Variants in ABCA4 observed in about 807,000 individuals in gnomAD.
The protein encoded by ABCA4 is retinal-specific phospholipid-transporting ATPase ABCA4.
A neutral mutation model predicts 263.7 loss-of-function variants in ABCA4; 196 were observed. The observed-to-expected ratio is 0.74, with a 90% CI of 0.66 to 0.84. The LOEUF (loss-of-function observed/expected upper bound fraction) is 0.84. Ranked by LOEUF, ABCA4 falls within the 40% of genes least tolerant of loss-of-function variation. The pLI, the probability that ABCA4 is intolerant of heterozygous loss-of-function variation, is 0.00. For missense variants in ABCA4, 2,792 were observed against 2,855.1 expected, an observed-to-expected ratio of 0.98 and a Z score of 0.50; for synonymous variants, 1,133 against 1,094.2, an observed-to-expected ratio of 1.04 and a Z score of -0.70.
intron 43 of ABCA4, among the ~76,000 whole-genome samples, chr1:94,006,044 G>A (rs868431776): frequency 5.3e-5 from 8 of 152,204 alleles, no homozygotes; most frequent in African/African-American, 1.7e-4. Flanking sequence ...TACCCACAGC[G>A]AGAGGCCTGC....
chr1:94,093,332 G>C (rs532381783), intron 6 of ABCA4, among the ~76,000 whole-genome samples: 1 of 152,298 alleles, frequency 6.6e-6, no homozygotes, highest in African/African-American at 2.4e-5. Flanking sequence ...TGTGAACTTA[G>C]TTTTCTTTAG....
intron 20 of ABCA4, 84 bp from the exon 21 acceptor site, chr1:94,043,559 G>T (rs1373016909): frequency 2.6e-6 from 4 of 1,563,276 alleles, no homozygotes; most frequent in African/African-American, 1.4e-5. Context: ...TTGAGGACAA[G>T]TATTCTTGAT....
chr1:94,028,074 A>G (rs776419076), intron 30 of ABCA4, among the ~76,000 whole-genome samples: 16 of 152,362 alleles, frequency 1.1e-4, no homozygotes, highest in Non-Finnish European at 2.1e-4. Flanking sequence ...TTAAATCCTC[A>G]TAATAATATT....
intron 44 of ABCA4, among the ~76,000 whole-genome samples, chr1:94,003,139 T>C (rs1659238848): frequency 6.6e-6 from 1 of 152,226 alleles, no homozygotes; most frequent in African/African-American, 2.4e-5. Context: ...GTAAACTTAA[T>C]GTTATGATAC....
At chr1:94,026,086 T>C (rs948202897) in intron 30 of ABCA4, among the ~76,000 whole-genome samples, 1 of 152,226 alleles carries the variant, frequency 6.6e-6, no homozygotes, top group East Asian at 1.9e-4. Context: ...TGGGAACACA[T>C]TCCGCTTACA....
chr1:94,034,125 A>C (rs1660279269), intron 26 of ABCA4, among the ~76,000 whole-genome samples: 1 of 152,066 alleles, frequency 6.6e-6, no homozygotes, highest in South Asian at 2.1e-4. Flanking sequence ...GGCTGCACAA[A>C]TGTTTCTTAT....
At chr1:94,073,227 C>T (rs187350466) in intron 11 of ABCA4, among the ~76,000 whole-genome samples, 174 of 152,336 alleles carry the variant, frequency 1.1e-3, no homozygotes, top group Non-Finnish European at 2.1e-3. Flanking sequence ...TTCCTCCCCG[C>T]TATCTTCTCC....
chr1:94,025,069 C>G (rs372696288), intron 30 of ABCA4, 21 bp from the exon 31 acceptor site: 1 of 1,598,938 alleles, frequency 6.3e-7, no homozygotes, highest in East Asian at 2.2e-5. Flanking sequence ...GAGACACCCA[C>G]GTTAATTACC....
rs1553188588 is a variant in ABCA4 at position 94,021,235 on chromosome 1, C to T, written c.5018+5G>A. ...AGTGGTGAGGCTGGGGCTGTGGTGGCTTACACTGTAATCTCTGAGAGCTGC... is the reference window on the plus strand; with the variant it reads ...AGTGGTGAGGCTGGGGCTGTGGTGGTTTACACTGTAATCTCTGAGAGCTGC... On this transcript the variant is annotated splice_donor_5th_base_variant and intron_variant, in intron 35 of 49. Transcript: ENST00000370225. 1.2e-6 allele frequency: 2 copies of T among 1,613,980 alleles called. No homozygotes were observed. Among genetic ancestry groups the T allele is most frequent in the Non-Finnish European group, 1.7e-6 (2 of 1,180,024 alleles).
intron 1 of ABCA4, among the ~76,000 whole-genome samples, chr1:94,119,567 C>A (rs1207582609): frequency 6.6e-6 from 1 of 152,166 alleles, no homozygotes; most frequent in East Asian, 1.9e-4. Context: ...GCAGCAGCCT[C>A]CATGCACGCC....
At position 94,120,984 on chromosome 1, in the gene ABCA4, T is replaced by G. The variant is rs746232022; in HGVS notation, c.62A>C (p.Gln21Pro). ...ACCACAGACAGTAACTGTTACCTTTTGCCTTTTCCGCAGGGTCCAGTTCTT... is the reference window on the plus strand; with the variant it reads ...ACCACAGACAGTAACTGTTACCTTTGGCCTTTTCCGCAGGGTCCAGTTCTT... ...LWKNWTLRKR[Q>P]KIRFVVELVW... Residue 21 changes from glutamine to proline, a missense_variant, in exon 1 of 50, where the codon CAA (glutamine) becomes CCA (proline). By Grantham distance (76) the Gln-to-Pro change is moderately conservative. Coordinates refer to ENST00000370225, the MANE Select transcript of ABCA4 (RefSeq NM_000350.3). 3.1e-6 allele frequency: 5 copies of G among 1,613,798 alleles called. No homozygotes were observed.
chr1:94,013,413 G>A lies in ABCA4; in HGVS notation c.5460+1130C>T, dbSNP rs900376675. 3.9e-4 allele frequency among the ~76,000 whole-genome samples: 60 copies of A among 152,350 alleles called. 1 individual carries two copies. The highest frequency in any genetic ancestry group is 3.4e-3 in the Middle Eastern group (1 of 294). On this transcript the variant is annotated intron_variant, in intron 38 of 49. Transcript: ENST00000370225. ...AGATTTGTCCTGTGTTCCCCAGTGGGGCCCAGAGGCAGGTGGAGGTGGGTG... is the reference window on the plus strand; with the variant it reads ...AGATTTGTCCTGTGTTCCCCAGTGGAGCCCAGAGGCAGGTGGAGGTGGGTG...
chr1:93,994,817 C>T (rs72956538), intron 49 of ABCA4, among the ~76,000 whole-genome samples: 5,972 of 152,174 alleles, frequency 0.039, 391 homozygotes, highest in African/African-American at 0.14. Context: ...CTGTAGATCA[C>T]AGAACATCAG....
chr1:94,089,838 A>G (rs1386137929), intron 6 of ABCA4, among the ~76,000 whole-genome samples: 1 of 152,206 alleles, frequency 6.6e-6, no homozygotes, highest in Non-Finnish European at 1.5e-5. Context: ...AATACTTCTA[A>G]TATTAAATAT....
chr1:94,095,750 T>G (rs1662108644), intron 6 of ABCA4, among the ~76,000 whole-genome samples: 1 of 40,400 alleles, frequency 2.5e-5, no homozygotes, highest in East Asian at 2.8e-3. Flanking sequence ...TTCTTTCAGG[T>G]TTTTTTTTTT....
At chr1:94,000,598 T>G (rs4147866) in intron 47 of ABCA4, among the ~76,000 whole-genome samples, 2 of 152,006 alleles carry the variant, frequency 1.3e-5, no homozygotes, top group African/African-American at 2.4e-5. Context: ...CCTGATCAGA[T>G]GCCCCATCCA....
chr1:94,039,016 A>G (rs1465253093), intron 24 of ABCA4, among the ~76,000 whole-genome samples: 1 of 152,240 alleles, frequency 6.6e-6, no homozygotes, highest in Non-Finnish European at 1.5e-5. Context: ...CCTGTTTCCA[A>G]TCTGATTTTG....
Position 94,057,887 on chromosome 1 carries a change from C to A in ABCA4, c.2161-1065G>T, listed in dbSNP as rs1419875551. ...AACACGTAAATGAGTACATAGAATT[C>A]ATCCTGTGCTCTTCCCAGGAACATA... On this transcript the variant is annotated intron_variant, in intron 14 of 49. Coordinates refer to ENST00000370225, the MANE Select transcript of ABCA4 (RefSeq NM_000350.3). Among the ~76,000 whole-genome samples, 4 of 152,202 alleles carry A rather than the reference C, an allele frequency of 2.6e-5. No homozygotes were observed. The East Asian group carries it at 7.7e-4, about 29-fold the overall frequency.
rs1457937638 is a variant in ABCA4 at position 94,027,444 on chromosome 1, C to A, written c.4539+2001G>T. On this transcript the variant is annotated intron_variant, in intron 30 of 49. Transcript: ENST00000370225. ...TTTTGAGTGGAGGCAGCCACAGGAGCCCTCAGCATTGACAGCAAAGCAAAC... is the reference window on the plus strand; with the variant it reads ...TTTTGAGTGGAGGCAGCCACAGGAGACCTCAGCATTGACAGCAAAGCAAAC... 6.6e-6 allele frequency among the ~76,000 whole-genome samples: 1 copy of A among 152,140 alleles called. No homozygotes were observed. Among genetic ancestry groups the A allele is most frequent in the Non-Finnish European group, 1.5e-5 (1 of 68,020 alleles).
Sources: gnomAD v4.1 joint callset for allele counts (sites outside exome capture counted in the v4.1 genomes callset) on GRCh38, gnomAD v4.1.1 for gene constraint, MANE v1.5 for transcripts, NCBI Gene and HGNC (gene_info 2026-07-23, HGNC 2026-07-21) for gene names.